Variants in FGD4 observed in about 807,000 individuals in gnomAD.
FGD4 encodes FYVE, RhoGEF and PH domain containing 4.
Under a neutral mutation model 102.0 loss-of-function variants are expected in FGD4, and 42 were observed. That is an observed-to-expected ratio of 0.41 (90% CI 0.32 to 0.53). The LOEUF (loss-of-function observed/expected upper bound fraction) is 0.53. Ranked by LOEUF, FGD4 falls within the 20% of genes least tolerant of loss-of-function variation. FGD4 has a pLI of 0.21. For synonymous variants in FGD4, 380 were observed against 375.7 expected, an observed-to-expected ratio of 1.01 and a Z score of -0.13; for missense variants, 902 against 1,078.2, an observed-to-expected ratio of 0.84 and a Z score of 2.29.
intron 1 of FGD4, among the ~76,000 whole-genome samples, chr12:32,474,782 G>A (rs938476784): frequency 6.6e-6 from 1 of 152,154 alleles, no homozygotes; most frequent in Non-Finnish European, 1.5e-5. Flanking sequence ...TCGTGTGCCT[G>A]TAGTCCCAGC....
chr12:32,478,609 G>A (rs1485367395), intron 1 of FGD4, among the ~76,000 whole-genome samples: 2 of 152,176 alleles, frequency 1.3e-5, no homozygotes, highest in Non-Finnish European at 2.9e-5. Flanking sequence ...TCTTCAATAT[G>A]ATTGTGAAAA....
chr12:32,604,936 C>CT (rs575943561), intron 7 of FGD4, among the ~76,000 whole-genome samples: 1,766 of 94,480 alleles, frequency 0.019, 92 homozygotes, highest in Non-Finnish European at 0.026. Flanking sequence ...TTTATAGCTG[C>CT]TTTTTTTTTT....
chr12:32,480,613 G>GC (rs1421262999), intron 1 of FGD4, among the ~76,000 whole-genome samples: 1 of 151,148 alleles, frequency 6.6e-6, no homozygotes, highest in East Asian at 2.0e-4. Context: ...TGATTCTCCT[G>GC]CCTCAGCCTT....
At chr12:32,444,164 C>T (rs923460112) in intron 1 of FGD4, among the ~76,000 whole-genome samples, 6 of 151,668 alleles carry the variant, frequency 4.0e-5, no homozygotes, top group African/African-American at 1.5e-4. Flanking sequence ...GCTGGAACTA[C>T]AGGCATGAGC....
intron 10 of FGD4, among the ~76,000 whole-genome samples, chr12:32,614,757 G>A (rs1592412759): frequency 6.6e-6 from 1 of 152,310 alleles, no homozygotes; most frequent in Middle Eastern, 3.4e-3. Context: ...AAAAACTACT[G>A]CATTGCCATG....
intron 1 of FGD4, among the ~76,000 whole-genome samples, chr12:32,542,787 T>C (rs1311897058): frequency 6.6e-6 from 1 of 152,254 alleles, no homozygotes; most frequent in Admixed American, 6.5e-5. Flanking sequence ...GAGCTTTTCA[T>C]GCCCTCTGTT....
At chr12:32,568,310 A>C (rs146673484) in intron 2 of FGD4, among the ~76,000 whole-genome samples, 511 of 152,340 alleles carry the variant, frequency 3.4e-3, no homozygotes, top group Non-Finnish European at 5.6e-3. Flanking sequence ...TTTGAAATGG[A>C]TTTGTTTCAT....
At chr12:32,415,496 C>T (rs1285626568) in intron 1 of FGD4, among the ~76,000 whole-genome samples, 1 of 144,548 alleles carries the variant, frequency 6.9e-6, no homozygotes. Context: ...AGTCTCGGCT[C>T]ACTGCAAGCT....
At chr12:32,444,914 G>A (rs1007334424) in intron 1 of FGD4, among the ~76,000 whole-genome samples, 3 of 152,132 alleles carry the variant, frequency 2.0e-5, no homozygotes, top group African/African-American at 7.2e-5. Flanking sequence ...TTGAAATGGT[G>A]ATTGATATTA....
intron 1 of FGD4, among the ~76,000 whole-genome samples, chr12:32,420,352 C>A (rs957864830): frequency 6.6e-6 from 1 of 152,156 alleles, no homozygotes; most frequent in East Asian, 1.9e-4. Context: ...CAAGCTCTTC[C>A]GGGCATGTCT....
chr12:32,447,642 GTCCTGAGCCA>G (rs1942658402), intron 1 of FGD4, among the ~76,000 whole-genome samples: 1 of 152,166 alleles, frequency 6.6e-6, no homozygotes, highest in Admixed American at 6.5e-5. Flanking sequence ...TAGCATTCTA[GTCCTGAGCCA>G]TCCAAATTCG....
At chr12:32,561,260 T>C (rs966061666) in intron 1 of FGD4, among the ~76,000 whole-genome samples, 9 of 151,854 alleles carry the variant, frequency 5.9e-5, no homozygotes, top group African/African-American at 1.7e-4. Context: ...CTAATTTTTG[T>C]ATTTTTAGTA....
chr12:32,549,035 A>G (rs142381014), intron 1 of FGD4, among the ~76,000 whole-genome samples: 2 of 152,368 alleles, frequency 1.3e-5, no homozygotes, highest in East Asian at 3.9e-4. Context: ...GTTCCAAGAT[A>G]TACTAGCTCT....
chr12:32,520,824 G>A (rs1044869401), intron 1 of FGD4, among the ~76,000 whole-genome samples: 1 of 152,094 alleles, frequency 6.6e-6, no homozygotes, highest in Non-Finnish European at 1.5e-5. Context: ...CATACTAGGG[G>A]ATGCATGCCC....
chr12:32,591,000 G>A (rs1043332831), intron 4 of FGD4, among the ~76,000 whole-genome samples: 2 of 152,162 alleles, frequency 1.3e-5, no homozygotes, highest in African/African-American at 4.8e-5. Context: ...GCTTCAGTTT[G>A]TGACAAGACA....
intron 1 of FGD4, chr12:32,486,197 G>A: frequency 6.7e-7 from 1 of 1,500,532 alleles, no homozygotes; most frequent in Non-Finnish European, 8.9e-7. Context: ...TAAAACATTT[G>A]GATTTTTTCA....
chr12:32,640,916 C>T lies in FGD4; in HGVS notation c.*383C>T. 2.6e-6 allele frequency: 1 copy of T among 386,044 alleles called. No homozygotes were observed. Among genetic ancestry groups the T allele is most frequent in the Non-Finnish European group, 4.7e-6 (1 of 213,444 alleles). The allele number at this position is 386,044 out of a possible 1,614,324, so 23.9% of individuals were successfully genotyped here. A position where few individuals can be genotyped will look rare whatever the true frequency, so the allele number is the denominator to read the frequency against. On this transcript the variant is annotated 3_prime_UTR_variant, in exon 17 of 17. Transcript: ENST00000534526. ...CTGGAACAGTTTGAAAGATATACCTCCATGTTGCCAAAATAGATCCATGGT... is the reference window on the plus strand; with the variant it reads ...CTGGAACAGTTTGAAAGATATACCTTCATGTTGCCAAAATAGATCCATGGT...
In FGD4 at chr12:32,402,601, A is replaced by T. The variant is rs1228220703; in HGVS notation, c.166+2642A>T. On this transcript the variant is annotated intron_variant, in intron 1 of 16. Transcript: ENST00000534526. ...GTAGATGGGACTACAGGCACACACCATTTTTTTTTTTTTTAATTCAAAGAA... is the reference window on the plus strand; with the variant it reads ...GTAGATGGGACTACAGGCACACACCTTTTTTTTTTTTTTTAATTCAAAGAA... Among the ~76,000 whole-genome samples the T allele has an allele frequency of 2.2e-3, 319 of 146,740 alleles. 9 individuals carry two copies. The highest frequency in any genetic ancestry group is 2.6e-4 in the Non-Finnish European group (17 of 66,274).
Position 32,488,642 on chromosome 12 carries a change from A to G in FGD4, c.167-75495A>G, listed in dbSNP as rs572697619. ...TTTATTAAATCCCAGATATATGTTA[A>G]TGTTAAAAAATAAGTTGGCTGGGCA... On this transcript the variant is annotated intron_variant, in intron 1 of 16. Transcript: ENST00000534526. 3.3e-4 allele frequency among the ~76,000 whole-genome samples: 50 copies of G among 152,292 alleles called. 1 individual carries two copies. The highest frequency in any genetic ancestry group is 1.2e-3 in the African/African-American group (49 of 41,558).
Sources: allele counts gnomAD v4.1 joint callset (sites outside exome capture counted in the v4.1 genomes callset), GRCh38; gene constraint gnomAD v4.1.1; transcripts MANE v1.5; gene names NCBI Gene and HGNC (gene_info 2026-07-23, HGNC 2026-07-21).